ABI1: variants seen among roughly 807,000 people sequenced by gnomAD.
The protein encoded by ABI1 is Abelson interactor 1.
Under a neutral mutation model 54.6 loss-of-function variants are expected in ABI1, and 14 were observed. The ratio of observed to expected loss-of-function variants is 0.26; its 90% CI spans 0.17 to 0.40. ABI1 has a LOEUF of 0.40. Among genes scored for constraint, ABI1 ranks in the 10% least tolerant of loss-of-function variants. The pLI is 1.00. For missense variants in ABI1, 443 were observed against 598.3 expected (o/e 0.74, Z 2.71); for synonymous variants, 194 against 209.3 (o/e 0.93, Z 0.63).
intron 9 of ABI1, among the ~76,000 whole-genome samples, chr10:26,755,338 A>G (rs1396435208): frequency 6.6e-6 from 1 of 152,168 alleles, no homozygotes; most frequent in Non-Finnish European, 1.5e-5. Context: ...AACTGTTAGA[A>G]GCTAAAAGTT....
In ABI1 at chr10:26,761,659, TATAC is replaced by T. The variant is rs1554806745; in HGVS notation, c.821-2425_821-2422del. Among the ~76,000 whole-genome samples, 237 of 88,138 alleles carry T rather than the reference TATAC, an allele frequency of 2.7e-3. 7 individuals carry two copies. In the East Asian group the frequency reaches 0.041, roughly 15 times the overall value. 57.8% of individuals were successfully genotyped at this position (88,138 alleles called of 152,430 possible). On this transcript the variant is annotated intron_variant, in intron 7 of 10. Transcript: ENST00000376140. ...ATATATATATATATATATATATATA[TATAC>T]ACACACACATACACATATATAACCT... is the stretch of plus-strand genomic sequence containing the variant.
chr10:26,798,123 A>G (rs1185166560), intron 2 of ABI1, among the ~76,000 whole-genome samples: 1 of 152,218 alleles, frequency 6.6e-6, no homozygotes, highest in Non-Finnish European at 1.5e-5. Context: ...GAAAACATGA[A>G]CAAGGCTGCA....
At chr10:26,757,348 C>T (rs865820373) in intron 8 of ABI1, among the ~76,000 whole-genome samples, 7 of 152,070 alleles carry the variant, frequency 4.6e-5, no homozygotes, top group South Asian at 4.2e-4. Context: ...TTAAAGTATA[C>T]GGTTTGAAAA....
At chr10:26,771,169 T>G in intron 3 of ABI1, 80 bp from the exon 4 acceptor site, 1 of 1,443,692 alleles carries the variant, frequency 6.9e-7, no homozygotes, top group Non-Finnish European at 9.7e-7. Flanking sequence ...AGGTTTACAT[T>G]TACAGTTACT....
chr10:26,849,685 C>A (rs2050245460), intron 1 of ABI1, among the ~76,000 whole-genome samples: 1 of 152,072 alleles, frequency 6.6e-6, no homozygotes, highest in African/African-American at 2.4e-5. Context: ...TATTTGTTGC[C>A]AATAATAAAA....
intron 8 of ABI1, among the ~76,000 whole-genome samples, chr10:26,758,010 G>A (rs1838539754): frequency 1.4e-5 from 2 of 145,860 alleles, no homozygotes; most frequent in African/African-American, 2.6e-5. Context: ...TGAGGTTGCA[G>A]TGGACCGAGA....
intron 1 of ABI1, among the ~76,000 whole-genome samples, chr10:26,855,027 A>G (rs2050698162): frequency 6.6e-6 from 1 of 152,142 alleles, no homozygotes; most frequent in African/African-American, 2.4e-5. Context: ...ACACAAAAAT[A>G]AATGCTCATT....
At chr10:26,814,491 GA>G (rs1288904356) in intron 2 of ABI1, among the ~76,000 whole-genome samples, 1 of 152,184 alleles carries the variant, frequency 6.6e-6, no homozygotes, top group Non-Finnish European at 1.5e-5. Context: ...CTTTAATTGT[GA>G]AAAAGTTGGT....
At chr10:26,853,389 C>T (rs1042352836) in intron 1 of ABI1, among the ~76,000 whole-genome samples, 1 of 150,856 alleles carries the variant, frequency 6.6e-6, no homozygotes, top group Non-Finnish European at 1.5e-5. Flanking sequence ...TGGGGTTTGA[C>T]TATTATTTCT....
intron 1 of ABI1, among the ~76,000 whole-genome samples, chr10:26,858,555 A>C (rs2051041020): frequency 6.8e-6 from 1 of 147,336 alleles, no homozygotes; most frequent in Admixed American, 6.6e-5. Flanking sequence ...AAAAAAAAAA[A>C]AAAAAAAACG....
At chr10:26,752,055 TAGG>T (rs1311676347) in intron 9 of ABI1, among the ~76,000 whole-genome samples, 1 of 152,220 alleles carries the variant, frequency 6.6e-6, no homozygotes, top group Non-Finnish European at 1.5e-5. Flanking sequence ...ATAAGGATTA[TAGG>T]AGTAGTTTCC....
At chr10:26,760,909 A>C (rs202215990) in intron 7 of ABI1, among the ~76,000 whole-genome samples, 1 of 150,710 alleles carries the variant, frequency 6.6e-6, no homozygotes, top group Non-Finnish European at 1.5e-5. Context: ...AAAAAAAAAA[A>C]AAAAAAAGAG....
At chr10:26,796,830 G>A (rs1844239464) in intron 2 of ABI1, among the ~76,000 whole-genome samples, 1 of 152,176 alleles carries the variant, frequency 6.6e-6, no homozygotes, top group African/African-American at 2.4e-5. Flanking sequence ...ACAGGCGAAT[G>A]GTTTTGGGAT....
At position 26,860,090 on chromosome 10, in the gene ABI1, C is replaced by A. The variant is rs1360227121; in HGVS notation, c.117+657G>T. Among the ~76,000 whole-genome samples, 1 of 152,136 alleles carries A rather than the reference C, an allele frequency of 6.6e-6. No homozygotes were observed. Among genetic ancestry groups the A allele is most frequent in the Non-Finnish European group, 1.5e-5 (1 of 68,034 alleles). On this transcript the variant is annotated intron_variant, in intron 1 of 10. Coordinates refer to ENST00000376140, the MANE Select transcript of ABI1 (RefSeq NM_001012750.3). The surrounding 1 kb of genome is among the most constrained non-coding windows in gnomAD (Gnocchi z 4.1). ...TTTAAGATGAACTTCTCTCAAACGCCCTCCCTCACTCCCCACACCCGCTTC... is the reference window on the plus strand; with the variant it reads ...TTTAAGATGAACTTCTCTCAAACGCACTCCCTCACTCCCCACACCCGCTTC...
chr10:26,819,406 A>C (rs2047816982), intron 2 of ABI1, among the ~76,000 whole-genome samples: 1 of 152,248 alleles, frequency 6.6e-6, no homozygotes, highest in Non-Finnish European at 1.5e-5. Flanking sequence ...TTGTGTACCT[A>C]ATATAGTATC....
At chr10:26,838,367 T>C (rs557006344) in intron 1 of ABI1, among the ~76,000 whole-genome samples, 1 of 152,264 alleles carries the variant, frequency 6.6e-6, no homozygotes, top group East Asian at 1.9e-4. Context: ...AACTTCATTT[T>C]ACCTAATGTT....
chr10:26,850,349 CAGAT>C (rs1175737991), intron 1 of ABI1, among the ~76,000 whole-genome samples: 2 of 152,066 alleles, frequency 1.3e-5, no homozygotes, highest in African/African-American at 2.4e-5. Context: ...TAAATGCTAA[CAGAT>C]AGAACCCGCC....
intron 2 of ABI1, among the ~76,000 whole-genome samples, chr10:26,811,495 T>G (rs2047225231): frequency 6.6e-6 from 1 of 152,204 alleles, no homozygotes; most frequent in South Asian, 2.1e-4. Flanking sequence ...ATCATTTTAC[T>G]ATTGGTCCTC....
intron 2 of ABI1, among the ~76,000 whole-genome samples, chr10:26,789,947 A>G (rs996646030): frequency 6.6e-6 from 1 of 152,238 alleles, no homozygotes; most frequent in African/African-American, 2.4e-5. Context: ...ATGTCCCTGC[A>G]AAAGACATGA....
Sources: allele counts gnomAD v4.1 joint callset (sites outside exome capture counted in the v4.1 genomes callset), GRCh38; gene constraint gnomAD v4.1.1; non-coding constraint Gnocchi (gnomAD v3.1); transcripts MANE v1.5; gene names NCBI Gene and HGNC (gene_info 2026-07-23, HGNC 2026-07-21).